ARHGAP15: variants seen among roughly 807,000 people sequenced by gnomAD.
The protein encoded by ARHGAP15 is rho GTPase-activating protein 15.
Under a neutral mutation model 63.7 loss-of-function variants are expected in ARHGAP15, and 51 were observed. The observed-to-expected ratio is 0.80, with a 90% CI of 0.64 to 1.01. The LOEUF is 1.01. Ranked by LOEUF, ARHGAP15 falls within the 50% of genes least tolerant of loss-of-function variation. ARHGAP15 has a pLI of 0.00. For missense variants in ARHGAP15, 560 were observed against 564.6 expected (o/e 0.99, Z 0.08); for synonymous variants, 191 against 193.8 (o/e 0.99, Z 0.12).
At chr2:143,329,985 A>G (rs1427237737) in intron 6 of ARHGAP15, among the ~76,000 whole-genome samples, 2 of 148,094 alleles carry the variant, frequency 1.4e-5, no homozygotes, top group Non-Finnish European at 3.0e-5. Context: ...CCAGCTACTC[A>G]GGAGCCTGAA....
chr2:143,556,494 T>A lies in ARHGAP15; in HGVS notation c.1003+9T>A. 1 of 1,608,134 alleles carries A rather than the reference T, an allele frequency of 6.2e-7. No homozygotes were observed. The highest frequency in any genetic ancestry group is 1.7e-5 in the Admixed American group (1 of 59,758). On this transcript the variant is annotated intron_variant, in intron 11 of 13. Coordinates refer to ENST00000295095, the MANE Select transcript of ARHGAP15 (RefSeq NM_018460.4). Reference sequence around the variant, plus strand: ...ATTTATTGTCAACCAAGGTAAGTGATTTCCACTTCAGAGATTTTTTCAAAC... The same window carrying A: ...ATTTATTGTCAACCAAGGTAAGTGAATTCCACTTCAGAGATTTTTTCAAAC...
chr2:143,226,132 C>A (rs1323126918), intron 4 of ARHGAP15, among the ~76,000 whole-genome samples: 1 of 152,182 alleles, frequency 6.6e-6, no homozygotes. Context: ...GTTTTTTCAT[C>A]CAATTCACCT....
chr2:143,766,930 A>G (rs1467991236), intron 13 of ARHGAP15: 3 of 152,180 alleles, frequency 2.0e-5, no homozygotes, highest in Non-Finnish European at 4.4e-5. Context: ...CCAAACAAAG[A>G]GAGGCCTCTA....
rs539366851 is a variant in ARHGAP15 at position 143,501,085 on chromosome 2, G to A, written c.826+13590G>A. Among the ~76,000 whole-genome samples, 43 of 152,244 alleles carry A rather than the reference G, an allele frequency of 2.8e-4. No individual in the cohort carries two copies. In the East Asian group the frequency reaches 7.5e-3, roughly 27 times the overall value. ...TGGTCTGGGTTAACCTCACAGTAAA[G>A]GAATCTTTCACATAACAAGAGACTG... On this transcript the variant is annotated intron_variant, in intron 9 of 13. Transcript: ENST00000295095.
rs191793052 is a variant in ARHGAP15 at position 143,145,373 on chromosome 2, G to A, written c.-14-10104G>A. 1.3e-3 allele frequency among the ~76,000 whole-genome samples: 195 copies of A among 152,030 alleles called. 1 individual carries two copies. Among genetic ancestry groups the A allele is most frequent in the African/African-American group, 4.6e-3 (192 of 41,502 alleles). On this transcript the variant is annotated intron_variant, in intron 1 of 13. Coordinates refer to ENST00000295095, the MANE Select transcript of ARHGAP15 (RefSeq NM_018460.4). ...CTGGACATTTGCTTTCTCCTTGACCGCAACTTCCTTTGCTGGTAACCTGGT... is the reference window on the plus strand; with the variant it reads ...CTGGACATTTGCTTTCTCCTTGACCACAACTTCCTTTGCTGGTAACCTGGT...
chr2:143,257,152 T>TC (rs1403246019), intron 6 of ARHGAP15, among the ~76,000 whole-genome samples: 1 of 152,068 alleles, frequency 6.6e-6, no homozygotes, highest in Non-Finnish European at 1.5e-5. Flanking sequence ...AACTCACTAG[T>TC]CAAAGCCTTA....
chr2:143,325,466 TTGTC>T lies in ARHGAP15; in HGVS notation c.474+74867_474+74870del, dbSNP rs750939994. ...AATGGAAAATGATTAAGTATATTGT[TTGTC>T]AGATTTCTTCTTTCACAATTCAATA... On this transcript the variant is annotated intron_variant, in intron 6 of 13. Coordinates refer to ENST00000295095, the MANE Select transcript of ARHGAP15 (RefSeq NM_018460.4). Among the ~76,000 whole-genome samples, 10 of 152,274 alleles carry T rather than the reference TTGTC, an allele frequency of 6.6e-5. No individual in the cohort carries two copies. In the East Asian group the frequency reaches 1.2e-3, roughly 18 times the overall value.
intron 5 of ARHGAP15, among the ~76,000 whole-genome samples, chr2:143,247,832 A>G (rs1220827045): frequency 1.3e-5 from 2 of 152,198 alleles, no homozygotes; most frequent in African/African-American, 2.4e-5. Flanking sequence ...TCCAAATCAC[A>G]AAGACTGCTT....
chr2:143,645,667 A>G (rs1680835487), intron 12 of ARHGAP15, among the ~76,000 whole-genome samples: 1 of 152,068 alleles, frequency 6.6e-6, no homozygotes, highest in African/African-American at 2.4e-5. Context: ...GATTCTTTTG[A>G]ATGGTAGGGA....
intron 6 of ARHGAP15, among the ~76,000 whole-genome samples, chr2:143,329,964 C>G (rs551068579): frequency 6.9e-6 from 1 of 143,970 alleles, no homozygotes; most frequent in African/African-American, 2.6e-5. Flanking sequence ...TGGTGGCACA[C>G]AGCTGTAGTC....
intron 12 of ARHGAP15, among the ~76,000 whole-genome samples, chr2:143,658,589 G>T (rs1431798034): frequency 6.6e-6 from 1 of 152,128 alleles, no homozygotes. Flanking sequence ...GTAAATTACA[G>T]GGTTTGTTCA....
chr2:143,281,980 G>T (rs1681873155), intron 6 of ARHGAP15, among the ~76,000 whole-genome samples: 1 of 151,954 alleles, frequency 6.6e-6, no homozygotes, highest in Non-Finnish European at 1.5e-5. Flanking sequence ...GTTATAGATG[G>T]AATTGAATAA....
chr2:143,738,121 G>T (rs946565206), intron 13 of ARHGAP15, among the ~76,000 whole-genome samples: 2 of 150,916 alleles, frequency 1.3e-5, no homozygotes, highest in Non-Finnish European at 2.9e-5. Context: ...CTTGGGCTTT[G>T]GTGGGGGATT....
chr2:143,634,456 G>C (rs1680203263), intron 12 of ARHGAP15, among the ~76,000 whole-genome samples: 1 of 152,078 alleles, frequency 6.6e-6, no homozygotes, highest in African/African-American at 2.4e-5. Flanking sequence ...ATTGTAAAAA[G>C]AATTTCATGA....
intron 9 of ARHGAP15, among the ~76,000 whole-genome samples, chr2:143,499,886 T>C (rs923432827): frequency 6.6e-6 from 1 of 152,138 alleles, no homozygotes; most frequent in African/African-American, 2.4e-5. Context: ...ATGTTCTGAA[T>C]ACTTTCTTGT....
At chr2:143,428,142 T>G (rs1689212853) in intron 6 of ARHGAP15, among the ~76,000 whole-genome samples, 2 of 151,998 alleles carry the variant, frequency 1.3e-5, no homozygotes. Flanking sequence ...TGGGGGAATA[T>G]CTATTTCAAA....
intron 9 of ARHGAP15, among the ~76,000 whole-genome samples, chr2:143,514,369 A>G (rs1354977603): frequency 1.3e-5 from 2 of 152,210 alleles, no homozygotes; most frequent in African/African-American, 2.4e-5. Flanking sequence ...AAATTTGGTA[A>G]GGCATAAATA....
chr2:143,174,698 C>T (rs1247321089), intron 2 of ARHGAP15, among the ~76,000 whole-genome samples: 1 of 151,992 alleles, frequency 6.6e-6, no homozygotes, highest in African/African-American at 2.4e-5. Flanking sequence ...TTTTGAGTGC[C>T]TATTTGATTT....
intron 5 of ARHGAP15, among the ~76,000 whole-genome samples, chr2:143,234,234 T>G (rs1693553234): frequency 6.6e-6 from 1 of 152,210 alleles, no homozygotes; most frequent in Non-Finnish European, 1.5e-5. Flanking sequence ...CCTGCAGGCA[T>G]TTTTTAAGAC....
Sources: allele counts gnomAD v4.1 joint callset (sites outside exome capture counted in the v4.1 genomes callset), GRCh38; gene constraint gnomAD v4.1.1; transcripts MANE v1.5; gene names NCBI Gene and HGNC (gene_info 2026-07-23, HGNC 2026-07-21).